SATL1: variants seen among roughly 807,000 people sequenced by gnomAD.
The protein encoded by SATL1 is spermidine/spermine N(1)-acetyltransferase-like protein 1.
Under a neutral mutation model 51.8 loss-of-function variants are expected in SATL1, and 47 were observed. The ratio of observed to expected loss-of-function variants is 0.91; its 90% CI spans 0.72 to 1.16. SATL1 has a LOEUF of 1.16. SATL1 is among the 50% of genes most tolerant of loss of function. SATL1 has a pLI of 0.00. For missense variants in SATL1, 520 were observed against 526.4 expected (o/e 0.99, Z 0.12); for synonymous variants, 176 against 182.4 (o/e 0.97, Z 0.28).
At chrX:85,127,542 T>C (rs1348748278) in intron 2 of SATL1, among the ~76,000 whole-genome samples, 1 of 111,824 alleles carries the variant, frequency 8.9e-6, no homozygotes, top group Non-Finnish European at 1.9e-5. Flanking sequence ...TCCTTTGTGA[T>C]CTAATTCTCT....
chrX:85,172,220 G>A (rs779765368), intron 2 of SATL1, among the ~76,000 whole-genome samples: 159 of 111,647 alleles, frequency 1.4e-3, no homozygotes, highest in African/African-American at 5.0e-3. Flanking sequence ...ATATACGCAT[G>A]TATGTGGGGA....
At chrX:85,231,018 T>C (rs745402996) in intron 1 of SATL1, among the ~76,000 whole-genome samples, 27 of 111,506 alleles carry the variant, frequency 2.4e-4, no homozygotes, top group African/African-American at 8.1e-4. Context: ...AAACTAAAAA[T>C]AGAGCTACCA....
Position 85,107,907 on chromosome X carries a change from T to A in SATL1, c.1062A>T (p.Arg354=), listed in dbSNP as rs1389331662. 1.3e-5 allele frequency: 16 copies of A among 1,211,064 alleles called. No individual in the cohort carries two copies. Among genetic ancestry groups the A allele is most frequent in the Non-Finnish European group, 1.7e-5 (15 of 895,393 alleles). The change falls in exon 3 of 8, where the codon CGA becomes CGT. Residue 354 remains arginine (R), a synonymous_variant. Coordinates refer to ENST00000644105, the MANE Select transcript of SATL1 (RefSeq NM_001367857.2). ...GTCTGGGGCCTGATTGGCTTGGGGC[T>A]CGTTGCGGTGGACCTGGTTGGCTTA... is the stretch of plus-strand genomic sequence containing the variant. ...ASISQPGPPQ[R]APSQSGPRQS...
intron 1 of SATL1, among the ~76,000 whole-genome samples, chrX:85,234,065 C>T (rs1441842257): frequency 1.5e-4 from 17 of 111,076 alleles, no homozygotes; most frequent in Non-Finnish European, 2.8e-4. Context: ...AAGAAATGAA[C>T]ATGCAAAAAC....
chrX:85,188,647 C>T (rs959779346), intron 2 of SATL1, among the ~76,000 whole-genome samples: 1 of 109,660 alleles, frequency 9.1e-6, no homozygotes, highest in Non-Finnish European at 1.9e-5. Flanking sequence ...CTTCATCTCT[C>T]TAAAAAAAAA....
intron 2 of SATL1, chrX:85,210,774 A>G (rs1000549781): frequency 2.7e-5 from 3 of 111,587 alleles, no homozygotes; most frequent in South Asian, 7.5e-4. Context: ...CATTGAACTC[A>G]CACTTCAAAA....
At chrX:85,220,211 A>G (rs1013045849) in intron 2 of SATL1, among the ~76,000 whole-genome samples, 2 of 110,221 alleles carry the variant, frequency 1.8e-5, no homozygotes, top group African/African-American at 3.3e-5. Context: ...CATTTAAACC[A>G]GTCCTAGCCA....
At chrX:85,225,117 G>T (rs141633548) in intron 1 of SATL1, among the ~76,000 whole-genome samples, 1,181 of 111,875 alleles carry the variant, frequency 0.011, 12 homozygotes, top group Admixed American at 0.035. Context: ...GATTGAGTTA[G>T]GGGGGTGGGA....
chrX:85,171,026 TA>T (rs1926960741), intron 2 of SATL1, among the ~76,000 whole-genome samples: 1 of 111,690 alleles, frequency 9.0e-6, no homozygotes, highest in Non-Finnish European at 1.9e-5. Context: ...ATCTGATCAC[TA>T]AAAAGGTTAC....
intron 2 of SATL1, among the ~76,000 whole-genome samples, chrX:85,135,054 C>G (rs189961856): frequency 1.1e-4 from 12 of 111,680 alleles, no homozygotes; most frequent in African/African-American, 3.9e-4. Context: ...AGCTGTTATC[C>G]TCAGCAAACT....
At chrX:85,167,595 T>G (rs781222503) in intron 2 of SATL1, among the ~76,000 whole-genome samples, 7 of 110,237 alleles carry the variant, frequency 6.3e-5, no homozygotes, top group Non-Finnish European at 1.1e-4. Flanking sequence ...AGGAAGAAAT[T>G]GAATCCCCAA....
At chrX:85,122,036 A>C (rs566633414) in intron 2 of SATL1, among the ~76,000 whole-genome samples, 13 of 108,002 alleles carry the variant, frequency 1.2e-4, no homozygotes, top group African/African-American at 3.0e-4. Flanking sequence ...AAAAAAAAAA[A>C]CCCTCAACTC....
At chrX:85,226,388 A>G (rs1928277351) in intron 1 of SATL1, among the ~76,000 whole-genome samples, 1 of 111,240 alleles carries the variant, frequency 9.0e-6, no homozygotes, top group African/African-American at 3.3e-5. Context: ...TACCACTTCC[A>G]GGCCATTATC....
At chrX:85,135,829 C>T (rs950910086) in intron 2 of SATL1, among the ~76,000 whole-genome samples, 5 of 109,960 alleles carry the variant, frequency 4.5e-5, no homozygotes, top group African/African-American at 1.7e-4. Context: ...TTCCATCTGC[C>T]TTGGCCTAGC....
At chrX:85,109,355 G>T (rs1381418178) in intron 2 of SATL1, 75 bp from the exon 3 acceptor site, 5 of 213,710 alleles carry the variant, frequency 2.3e-5, no homozygotes, top group Non-Finnish European at 3.4e-5. Flanking sequence ...GCCCCTGCAT[G>T]GTCACTGCAT....
chrX:85,136,221 T>C (rs1435306103), intron 2 of SATL1, among the ~76,000 whole-genome samples: 1 of 110,599 alleles, frequency 9.0e-6, no homozygotes, highest in Non-Finnish European at 1.9e-5. Context: ...TTCAGTCATA[T>C]AAAATTTTAG....
intron 2 of SATL1, among the ~76,000 whole-genome samples, chrX:85,175,214 G>T (rs1927060690): frequency 9.0e-6 from 1 of 111,377 alleles, no homozygotes; most frequent in Non-Finnish European, 1.9e-5. Flanking sequence ...CCAGCAATCT[G>T]TTTTAAAAAG....
intron 2 of SATL1, among the ~76,000 whole-genome samples, chrX:85,144,699 CCA>C (rs1314338235): frequency 7.2e-5 from 8 of 111,359 alleles, no homozygotes; most frequent in Non-Finnish European, 1.5e-4. Context: ...AAATGACTCT[CCA>C]CAGTTTTCTT....
In SATL1 at chrX:85,223,088, A is replaced by T. The variant is rs886783978; in HGVS notation, c.-313+1117T>A. Among the ~76,000 whole-genome samples the T allele has an allele frequency of 9.0e-5, 10 of 110,881 alleles. No homozygotes were observed. In the Middle Eastern group the frequency reaches 0.014, roughly 153 times the overall value. On this transcript the variant is annotated intron_variant, in intron 2 of 7. Coordinates refer to ENST00000644105, the MANE Select transcript of SATL1 (RefSeq NM_001367857.2). ...TGAGATTTTTAACAGTTTCAGAGGA[A>T]TTTTCCCTCTTTCTTCTATGGCTAA...
Sources: gnomAD v4.1 joint callset for allele counts (sites outside exome capture counted in the v4.1 genomes callset) on GRCh38, gnomAD v4.1.1 for gene constraint, MANE v1.5 for transcripts, NCBI Gene and HGNC (gene_info 2026-07-23, HGNC 2026-07-21) for gene names.